Variants in CADPS2 observed in about 807,000 individuals in gnomAD.
CADPS2 encodes the protein calcium dependent secretion activator 2.
Under a neutral mutation model 172.5 loss-of-function variants are expected in CADPS2, and 93 were observed. The ratio of observed to expected loss-of-function variants is 0.54; its 90% confidence interval spans 0.46 to 0.64. CADPS2 has a LOEUF of 0.64. CADPS2 is among the 30% of genes least tolerant of loss of function. The probability of loss-of-function intolerance (pLI) is 0.00; values close to 1 mark genes in which losing one functional copy is unlikely to be tolerated. For missense variants in CADPS2, 1,420 were observed against 1,565.9 expected (o/e 0.91, Z 1.57); for synonymous variants, 546 against 555.2 (o/e 0.98, Z 0.23).
intron 1 of CADPS2, among the ~76,000 whole-genome samples, chr7:122,778,666 G>T (rs1478597058): frequency 6.6e-6 from 1 of 152,242 alleles, no homozygotes; most frequent in Non-Finnish European, 1.5e-5. Context: ...GTATAGCTTG[G>T]GTTGTGGCCT....
intron 7 of CADPS2, among the ~76,000 whole-genome samples, chr7:122,566,302 G>A (rs564582832): frequency 2.0e-5 from 3 of 152,104 alleles, no homozygotes; most frequent in Admixed American, 6.6e-5. Context: ...GGGAACCCTT[G>A]CATATTGTTG....
At chr7:122,563,877 C>T (rs2066069364) in intron 7 of CADPS2, among the ~76,000 whole-genome samples, 1 of 152,118 alleles carries the variant, frequency 6.6e-6, no homozygotes, top group South Asian at 2.1e-4. Flanking sequence ...GTTGTGCATT[C>T]CTAACCTGAA....
chr7:122,833,908 C>A (rs1183129450), intron 1 of CADPS2, among the ~76,000 whole-genome samples: 5 of 152,172 alleles, frequency 3.3e-5, no homozygotes, highest in African/African-American at 1.2e-4. Flanking sequence ...TGGAACATGA[C>A]ATAACAATTG....
At chr7:122,863,200 T>G (rs1447696645) in intron 1 of CADPS2, among the ~76,000 whole-genome samples, 1 of 152,190 alleles carries the variant, frequency 6.6e-6, no homozygotes, top group Non-Finnish European at 1.5e-5. Flanking sequence ...AAAAGTTCAG[T>G]CTTCCCTCAA....
intron 1 of CADPS2, among the ~76,000 whole-genome samples, chr7:122,813,876 T>C (rs1800660111): frequency 6.6e-6 from 1 of 151,972 alleles, no homozygotes; most frequent in African/African-American, 2.4e-5. Flanking sequence ...GCTGAACAAA[T>C]AAATAAGTCC....
intron 7 of CADPS2, among the ~76,000 whole-genome samples, chr7:122,557,763 T>C (rs1394569851): frequency 6.6e-6 from 1 of 152,224 alleles, no homozygotes; most frequent in Non-Finnish European, 1.5e-5. Flanking sequence ...ACCGGCTGGC[T>C]ATTTGCCACG....
intron 8 of CADPS2, among the ~76,000 whole-genome samples, chr7:122,514,171 A>T (rs769328810): frequency 3.3e-5 from 5 of 152,176 alleles, no homozygotes; most frequent in Non-Finnish European, 7.4e-5. Flanking sequence ...CACACTCCCT[A>T]CAAAAGTGGA....
At chr7:122,784,152 T>C (rs1338003977) in intron 1 of CADPS2, among the ~76,000 whole-genome samples, 1 of 152,180 alleles carries the variant, frequency 6.6e-6, no homozygotes, top group Non-Finnish European at 1.5e-5. Flanking sequence ...GACCCACTAT[T>C]TATCATCTCA....
At chr7:122,471,095 C>T (rs550745473) in intron 14 of CADPS2, among the ~76,000 whole-genome samples, 2 of 152,258 alleles carry the variant, frequency 1.3e-5, no homozygotes, top group South Asian at 4.1e-4. Flanking sequence ...AGACTTACTA[C>T]GAGGTGGTAT....
chr7:122,782,575 C>T (rs888064307), intron 1 of CADPS2, among the ~76,000 whole-genome samples: 3 of 152,120 alleles, frequency 2.0e-5, no homozygotes, highest in Non-Finnish European at 4.4e-5. Context: ...CATGCCATTG[C>T]ACTCCACCCT....
intron 6 of CADPS2, among the ~76,000 whole-genome samples, chr7:122,609,612 G>A (rs914817567): frequency 3.3e-5 from 5 of 152,030 alleles, no homozygotes; most frequent in African/African-American, 9.7e-5. Flanking sequence ...TAAATCAAAC[G>A]TGTCTATCAA....
rs370520696 is a variant in CADPS2 at position 122,415,747 on chromosome 7, T to C, written c.2580+314A>G. Among the ~76,000 whole-genome samples the C allele has an allele frequency of 5.3e-4, 80 of 152,312 alleles. 3 individuals are homozygous for C. The South Asian group carries it at 0.016, about 31-fold the overall frequency. ...GTCATTAACTTTCCCCCTTCTTCAA[T>C]AACTGATGAGCTAATTTCTCATGGC... On this transcript the variant is annotated intron_variant, in intron 18 of 29. Coordinates refer to ENST00000449022, the MANE Select transcript of CADPS2 (RefSeq NM_017954.11).
intron 6 of CADPS2, among the ~76,000 whole-genome samples, chr7:122,593,818 C>G (rs371706166): frequency 6.6e-6 from 1 of 151,410 alleles, no homozygotes; most frequent in East Asian, 1.9e-4. Context: ...ATGTGAGAAT[C>G]TGAGGAGAGG....
chr7:122,318,818 G>A lies in CADPS2; in HGVS notation c.*1347C>T, dbSNP rs1409149457. 6.6e-6 allele frequency: 1 copy of A among 152,266 alleles called. No individual in the cohort carries two copies. Among genetic ancestry groups the A allele is most frequent in the Middle Eastern group, 3.4e-3 (1 of 294 alleles). The allele number at this position is 152,266 out of a possible 1,614,324, so 9.4% of individuals were successfully genotyped here. On this transcript the variant is annotated 3_prime_UTR_variant, in exon 30 of 30. Coordinates refer to ENST00000449022, the MANE Select transcript of CADPS2 (RefSeq NM_017954.11). ...ACCACTTATTACACCATGGGAGAAC[G>A]AATCTGGAGGTCCAAGTTGTTTCAT...
At chr7:122,696,006 G>A (rs1000192856) in intron 2 of CADPS2, among the ~76,000 whole-genome samples, 2 of 152,180 alleles carry the variant, frequency 1.3e-5, no homozygotes, top group Non-Finnish European at 2.9e-5. Context: ...AACTCTAGGT[G>A]CAGGGACTGC....
intron 1 of CADPS2, among the ~76,000 whole-genome samples, chr7:122,799,847 T>C (rs1797222347): frequency 6.6e-6 from 1 of 152,200 alleles, no homozygotes. Flanking sequence ...TTCATACTTC[T>C]TTCAGTCAAC....
intron 1 of CADPS2, among the ~76,000 whole-genome samples, chr7:122,791,975 A>G (rs1052889124): frequency 1.2e-4 from 19 of 152,220 alleles, no homozygotes; most frequent in African/African-American, 4.6e-4. Context: ...TGGCTAAATC[A>G]GTTTGTAGAC....
chr7:122,610,323 T>TAA (rs11459230), intron 6 of CADPS2, among the ~76,000 whole-genome samples: 1,600 of 150,310 alleles, frequency 0.011, 25 homozygotes, highest in African/African-American at 0.036. Flanking sequence ...TTACTATTTG[T>TAA]AAAAAAAAAG....
chr7:122,769,696 C>A (rs2139028516), intron 1 of CADPS2, among the ~76,000 whole-genome samples: 1 of 152,184 alleles, frequency 6.6e-6, no homozygotes, highest in Middle Eastern at 3.4e-3. Context: ...GATTAAATAC[C>A]TTCACCTCTT....
Sources: allele counts gnomAD v4.1 joint callset (sites outside exome capture counted in the v4.1 genomes callset), GRCh38; gene constraint gnomAD v4.1.1; transcripts MANE v1.5; gene names NCBI Gene and HGNC (gene_info 2026-07-23, HGNC 2026-07-21).